Variants in PTPRR observed in about 807,000 individuals in gnomAD.
The protein encoded by PTPRR is protein tyrosine phosphatase receptor type R, also known as receptor-type tyrosine-protein phosphatase R.
PTPRR carries 38 observed loss-of-function variants against 77.2 expected under a neutral mutation model. The observed-to-expected ratio is 0.49, with a 90% confidence interval of 0.38 to 0.65. The LOEUF is 0.65. PTPRR is among the 30% of genes least tolerant of loss of function. The probability of loss-of-function intolerance (pLI) is 0.00; values close to 1 mark genes in which losing one functional copy is unlikely to be tolerated. For synonymous variants in PTPRR, 299 were observed against 283.1 expected, an observed-to-expected ratio of 1.06 and a Z score of -0.57; for missense variants, 744 against 799.2, an observed-to-expected ratio of 0.93 and a Z score of 0.83.
chr12:70,815,855 CAG>C (rs1236845373), intron 2 of PTPRR, among the ~76,000 whole-genome samples: 1 of 152,188 alleles, frequency 6.6e-6, no homozygotes, highest in Non-Finnish European at 1.5e-5. Context: ...TGGCCTCAGA[CAG>C]CTGATAATCT....
intron 1 of PTPRR, among the ~76,000 whole-genome samples, chr12:70,914,382 C>T (rs943903566): frequency 3.3e-5 from 5 of 151,890 alleles, no homozygotes; most frequent in Admixed American, 1.3e-4. Context: ...GTTTCACCTC[C>T]GACATTATTA....
At chr12:70,653,836 G>C (rs1315662918) in intron 13 of PTPRR, among the ~76,000 whole-genome samples, 1 of 152,126 alleles carries the variant, frequency 6.6e-6, no homozygotes, top group Non-Finnish European at 1.5e-5. Flanking sequence ...GTAAACTCAG[G>C]CAGGCAATCT....
At chr12:70,640,786 T>C (rs532896082) in intron 13 of PTPRR, among the ~76,000 whole-genome samples, 6 of 152,324 alleles carry the variant, frequency 3.9e-5, no homozygotes, top group African/African-American at 1.4e-4. Flanking sequence ...TATGTTTATT[T>C]GTCAATCTAT....
At chr12:70,900,263 G>C (rs1893508187) in intron 1 of PTPRR, among the ~76,000 whole-genome samples, 1 of 151,502 alleles carries the variant, frequency 6.6e-6, no homozygotes. Context: ...TAAAGCTATA[G>C]TTATTGAGGT....
intron 2 of PTPRR, among the ~76,000 whole-genome samples, chr12:70,765,405 T>C (rs562601584): frequency 5.3e-5 from 8 of 152,274 alleles, no homozygotes; most frequent in Admixed American, 1.3e-4. Context: ...GTCTTGCTGA[T>C]TGCTAGCACA....
intron 6 of PTPRR, among the ~76,000 whole-genome samples, chr12:70,718,894 C>A (rs1255195013): frequency 6.6e-6 from 1 of 152,134 alleles, no homozygotes; most frequent in Non-Finnish European, 1.5e-5. Flanking sequence ...GTCCTTTGGA[C>A]TTTTTTGCTT....
chr12:70,656,884 C>T (rs747315235), intron 12 of PTPRR, 67 bp from the exon 13 acceptor site: 6 of 1,105,908 alleles, frequency 5.4e-6, no homozygotes, highest in Admixed American at 1.8e-5. Context: ...CATTCTTTTA[C>T]AAGGGTACTT....
chr12:70,782,902 C>T (rs964581875), intron 2 of PTPRR, among the ~76,000 whole-genome samples: 1 of 152,108 alleles, frequency 6.6e-6, no homozygotes, highest in Non-Finnish European at 1.5e-5. Context: ...GTTAGTAAGG[C>T]AGACTTGGGT....
At chr12:70,764,829 G>A in intron 2 of PTPRR, 51 bp from the exon 3 acceptor site, 4 of 1,336,558 alleles carry the variant, frequency 3.0e-6, no homozygotes, top group Non-Finnish European at 4.3e-6. Context: ...AATTTGTATA[G>A]ATGTATAGAA....
intron 2 of PTPRR, among the ~76,000 whole-genome samples, chr12:70,769,927 A>T (rs528561928): frequency 0.02 from 3,044 of 152,218 alleles, 51 homozygotes; most frequent in Non-Finnish European, 0.033. Context: ...CCTATTTAAT[A>T]AATGGTGCTG....
intron 2 of PTPRR, among the ~76,000 whole-genome samples, chr12:70,850,112 AGCAC>A (rs1292341085): frequency 1.3e-5 from 2 of 152,188 alleles, no homozygotes; most frequent in Non-Finnish European, 2.9e-5. Context: ...CTGTAATCCC[AGCAC>A]TTTGGGAGGC....
rs564969540 is a variant in PTPRR at position 70,804,829 on chromosome 12, G to C, written c.358-40051C>G. Among the ~76,000 whole-genome samples, 67 of 151,942 alleles carry C rather than the reference G, an allele frequency of 4.4e-4. No individual in the cohort carries two copies. In the Middle Eastern group the frequency reaches 0.014, roughly 31 times the overall value. On this transcript the variant is annotated intron_variant, in intron 2 of 13. Coordinates refer to ENST00000283228, the MANE Select transcript of PTPRR (RefSeq NM_002849.4). ...TTGTAAACCACGGGTCACTGCACTG[G>C]TGTTTGCAGAAACTCAAATTTCAAG...
chr12:70,703,321 C>A (rs1213836040), intron 6 of PTPRR, among the ~76,000 whole-genome samples: 1 of 151,980 alleles, frequency 6.6e-6, no homozygotes, highest in African/African-American at 2.4e-5. Context: ...TCCTATTATT[C>A]TTCTTAACTC....
chr12:70,655,850 C>T (rs555764033), intron 13 of PTPRR, among the ~76,000 whole-genome samples: 22 of 152,268 alleles, frequency 1.4e-4, no homozygotes, highest in African/African-American at 5.3e-4. Flanking sequence ...AAATTGTCCA[C>T]TTACAAATGG....
Position 70,920,476 on chromosome 12 carries a change from T to C in PTPRR, c.-86A>G. The C allele has an allele frequency of 7.6e-7, 1 of 1,312,996 alleles. No individual in the cohort carries two copies. The allele number at this position is 1,312,996 out of a possible 1,614,324, so 81.3% of individuals were successfully genotyped here. Reference sequence around the variant, plus strand: ...TATTAGAAAGAGCCACCGCCAAGGGTCTTCTAGTCTCCGGGATTCAGGTCC... The same window carrying C: ...TATTAGAAAGAGCCACCGCCAAGGGCCTTCTAGTCTCCGGGATTCAGGTCC... On this transcript the variant is annotated 5_prime_UTR_variant, in exon 1 of 14. Coordinates refer to ENST00000283228, the MANE Select transcript of PTPRR (RefSeq NM_002849.4).
chr12:70,761,664 T>C (rs1296914902), intron 3 of PTPRR, 38 bp from the exon 4 acceptor site: 1 of 1,446,842 alleles, frequency 6.9e-7, no homozygotes, highest in Admixed American at 2.3e-5. Flanking sequence ...TTATAGACAT[T>C]TTAAACAACT....
chr12:70,905,958 T>C (rs935862210), intron 1 of PTPRR, among the ~76,000 whole-genome samples: 1 of 152,032 alleles, frequency 6.6e-6, no homozygotes, highest in African/African-American at 2.4e-5. Flanking sequence ...ATCAAGGGCT[T>C]CCCTTGAGAA....
chr12:70,828,824 C>T (rs1046662783), intron 2 of PTPRR, among the ~76,000 whole-genome samples: 7 of 152,192 alleles, frequency 4.6e-5, no homozygotes, highest in African/African-American at 1.4e-4. Flanking sequence ...TGTCGTGTGA[C>T]TAAATCCTTT....
chr12:70,886,900 A>G (rs1005189204), intron 2 of PTPRR, among the ~76,000 whole-genome samples: 1 of 152,230 alleles, frequency 6.6e-6, no homozygotes, highest in African/African-American at 2.4e-5. Context: ...AACATACATT[A>G]TAACTCGGGA....
Sources: allele counts gnomAD v4.1 joint callset (sites outside exome capture counted in the v4.1 genomes callset), GRCh38; gene constraint gnomAD v4.1.1; transcripts MANE v1.5; gene names NCBI Gene and HGNC (gene_info 2026-07-23, HGNC 2026-07-21).